RFX3: variants seen among roughly 807,000 people sequenced by gnomAD.
RFX3 encodes transcription factor RFX3.
RFX3 carries 14 observed loss-of-function variants against 98.6 expected under a neutral mutation model. The observed-to-expected ratio is 0.14, with a 90% CI of 0.09 to 0.22. The LOEUF (loss-of-function observed/expected upper bound fraction) is 0.22, where lower values mean the gene tolerates loss of function less well. Ranked by LOEUF, RFX3 falls within the 10% of genes least tolerant of loss-of-function variation. The pLI is 1.00. For missense variants in RFX3, 639 were observed against 926.9 expected (o/e 0.69, Z 4.03); for synonymous variants, 383 against 328.4 (o/e 1.17, Z -1.80).
intron 2 of RFX3, among the ~76,000 whole-genome samples, chr9:3,388,117 GGTT>G (rs1260568657): frequency 6.6e-6 from 1 of 152,032 alleles, no homozygotes; most frequent in Non-Finnish European, 1.5e-5. Flanking sequence ...GTTTCTTACT[GGTT>G]GTAACGACAT....
Position 3,333,441 on chromosome 9 carries a change from T to TTTG in RFX3, c.216-2925_216-2924insCAA, listed in dbSNP as rs1563941993. ...AAACAAATTCATAGAAAATGTTTTTTTTTTTTTTTTTCCAGATAGAAAAAT... is the reference window on the plus strand; with the variant it reads ...AAACAAATTCATAGAAAATGTTTTTTTTGTTTTTTTTTTTCCAGATAGAAAAAT... On this transcript the variant is annotated intron_variant, in intron 3 of 16. Transcript: ENST00000617270. Among the ~76,000 whole-genome samples the TTTG allele has an allele frequency of 1.8e-3, 266 of 151,734 alleles. 4 individuals are homozygous for TTTG. The highest frequency in any genetic ancestry group is 6.0e-3 in the African/African-American group (248 of 41,374).
intron 1 of RFX3, among the ~76,000 whole-genome samples, chr9:3,401,381 T>C (rs1229409512): frequency 2.6e-5 from 4 of 152,206 alleles, no homozygotes; most frequent in Non-Finnish European, 5.9e-5. Context: ...TGCCCTAGCA[T>C]GCTCCATTTT....
At chr9:3,469,571 A>T (rs927760669) in intron 1 of RFX3, among the ~76,000 whole-genome samples, 1 of 152,122 alleles carries the variant, frequency 6.6e-6, no homozygotes, top group Non-Finnish European at 1.5e-5. Context: ...GTCAATGATA[A>T]AATATTATTT....
intron 4 of RFX3, among the ~76,000 whole-genome samples, chr9:3,310,506 A>G (rs1324912118): frequency 6.6e-6 from 1 of 152,216 alleles, no homozygotes; most frequent in African/African-American, 2.4e-5. Flanking sequence ...ACTGTAATTA[A>G]AATTGGTTTC....
At chr9:3,343,590 C>G (rs1013468845) in intron 3 of RFX3, among the ~76,000 whole-genome samples, 6 of 152,128 alleles carry the variant, frequency 3.9e-5, no homozygotes, top group African/African-American at 1.4e-4. Flanking sequence ...AAAAAATTTT[C>G]TAGTCCTATT....
intron 14 of RFX3, among the ~76,000 whole-genome samples, chr9:3,253,197 T>A (rs769311490): frequency 1.8e-4 from 28 of 152,246 alleles, no homozygotes; most frequent in Non-Finnish European, 3.5e-4. Context: ...TGCCCTAACA[T>A]GCGATAGCCA....
chr9:3,295,022 G>C (rs997388151), intron 5 of RFX3, among the ~76,000 whole-genome samples: 2 of 152,026 alleles, frequency 1.3e-5, no homozygotes, highest in African/African-American at 4.8e-5. Context: ...TCTATAACTT[G>C]ATTGTCAGTA....
At chr9:3,349,956 A>C (rs940952032) in intron 2 of RFX3, among the ~76,000 whole-genome samples, 2 of 152,118 alleles carry the variant, frequency 1.3e-5, no homozygotes. Context: ...GCAAGGATAA[A>C]AATATAATAA....
rs186916488 is a variant in RFX3, at chr9:3,362,495, C to G, written c.118-15731G>C. 7.9e-5 allele frequency among the ~76,000 whole-genome samples: 12 copies of G among 152,310 alleles called. No individual in the cohort carries two copies. In the East Asian group the frequency reaches 2.3e-3, roughly 29 times the overall value. The stretch of plus-strand genomic sequence containing the variant: ...TTCTTTCATTAGACTTTAACAGATG[C>G]TTCCAGCAGGTTCAAATCCAATAAA... On this transcript the variant is annotated intron_variant, in intron 2 of 16. Transcript: ENST00000617270.
At chr9:3,501,469 T>A (rs1815991333) in intron 1 of RFX3, among the ~76,000 whole-genome samples, 1 of 152,118 alleles carries the variant, frequency 6.6e-6, no homozygotes, top group Admixed American at 6.5e-5. Context: ...TTTCCTTATT[T>A]TGTTTCTTCA....
chr9:3,245,020 T>C (rs545757040), intron 15 of RFX3, among the ~76,000 whole-genome samples: 1 of 152,324 alleles, frequency 6.6e-6, no homozygotes, highest in Admixed American at 6.5e-5. Flanking sequence ...AAGATTATAC[T>C]AATAGCCATG....
At chr9:3,371,309 A>G (rs772611486) in intron 2 of RFX3, among the ~76,000 whole-genome samples, 1 of 152,188 alleles carries the variant, frequency 6.6e-6, no homozygotes, top group African/African-American at 2.4e-5. Flanking sequence ...TCATGCAACC[A>G]ATTCCATTTC....
chr9:3,511,323 T>G (rs1220397686), intron 1 of RFX3, among the ~76,000 whole-genome samples: 2 of 152,060 alleles, frequency 1.3e-5, no homozygotes, highest in East Asian at 1.9e-4. Flanking sequence ...AATAGTTTCA[T>G]GTAGTAAGAC....
intron 4 of RFX3, among the ~76,000 whole-genome samples, chr9:3,324,605 G>A (rs902293994): frequency 6.7e-5 from 10 of 149,994 alleles, no homozygotes; most frequent in Non-Finnish European, 1.5e-4. Context: ...AAAAAAGAGA[G>A]AGGGAGTGAA....
intron 3 of RFX3, among the ~76,000 whole-genome samples, chr9:3,333,104 C>T (rs947540916): frequency 6.6e-6 from 1 of 152,190 alleles, no homozygotes; most frequent in Non-Finnish European, 1.5e-5. Flanking sequence ...TGGTACATAG[C>T]TGGCACACTA....
At chr9:3,394,257 A>T (rs1380589967) in intron 2 of RFX3, among the ~76,000 whole-genome samples, 3 of 152,028 alleles carry the variant, frequency 2.0e-5, no homozygotes, top group Non-Finnish European at 4.4e-5. Context: ...AGGTCAGGAG[A>T]TCGAGACCAT....
intron 6 of RFX3, among the ~76,000 whole-genome samples, chr9:3,292,019 T>C (rs1477732381): frequency 8.6e-6 from 1 of 116,062 alleles, no homozygotes; most frequent in Non-Finnish European, 1.6e-5. Context: ...ATCGTGCCAC[T>C]GCACTCCAGC....
chr9:3,253,110 G>A (rs898398701), intron 14 of RFX3, among the ~76,000 whole-genome samples: 1 of 152,252 alleles, frequency 6.6e-6, no homozygotes, highest in Non-Finnish European at 1.5e-5. Context: ...AGTTGTAAAC[G>A]TTAATTATTT....
At chr9:3,258,865 A>T (rs1257383515) in intron 13 of RFX3, among the ~76,000 whole-genome samples, 1 of 151,072 alleles carries the variant, frequency 6.6e-6, no homozygotes, top group Non-Finnish European at 1.5e-5. Flanking sequence ...TTTGTATTAT[A>T]AAACACATAT....
Sources: allele counts gnomAD v4.1 joint callset (sites outside exome capture counted in the v4.1 genomes callset), GRCh38; gene constraint gnomAD v4.1.1; transcripts MANE v1.5; gene names NCBI Gene and HGNC (gene_info 2026-07-23, HGNC 2026-07-21).